Variants in PSMD2 observed in about 807,000 individuals in gnomAD.
PSMD2 encodes proteasome 26S subunit ubiquitin receptor, non-ATPase 2, also known as 26S proteasome non-ATPase regulatory subunit 2.
PSMD2 carries 8 observed loss-of-function variants against 101.5 expected under a neutral mutation model. The ratio of observed to expected loss-of-function variants is 0.08; its 90% CI spans 0.05 to 0.14. PSMD2 has a LOEUF of 0.14. Among genes scored for constraint, PSMD2 ranks in the 10% least tolerant of loss-of-function variants. PSMD2 has a pLI of 1.00. For missense variants in PSMD2, 784 were observed against 1,147.4 expected, an observed-to-expected ratio of 0.68 and a Z score of 4.58; for synonymous variants, 418 against 433.8, an observed-to-expected ratio of 0.96 and a Z score of 0.45.
chr3:184,299,613 G>T, intron 1 of PSMD2: 1 of 709,210 alleles, frequency 1.4e-6, no homozygotes, highest in Non-Finnish European at 2.2e-6. Context: ...CACCACCGCC[G>T]CGTGAAGTGG....
At chr3:184,305,027 A>T (rs992949917) in intron 12 of PSMD2, among the ~76,000 whole-genome samples, 1 of 152,244 alleles carries the variant, frequency 6.6e-6, no homozygotes, top group Admixed American at 6.5e-5. Flanking sequence ...GTCATTGGTC[A>T]GCCTTAAATG....
chr3:184,301,485 C>T (rs1299313410), intron 3 of PSMD2, 52 bp from the exon 4 acceptor site: 2 of 1,605,240 alleles, frequency 1.2e-6, no homozygotes, highest in African/African-American at 1.3e-5. Flanking sequence ...AATGCATGCT[C>T]CCTTTATGCT....
chr3:184,305,640 T>G, intron 12 of PSMD2, 128 bp from the exon 13 acceptor site: 1 of 852,290 alleles, frequency 1.2e-6, no homozygotes, highest in South Asian at 1.7e-5. Context: ...CTATTGTTAT[T>G]TTGATATTAT....
chr3:184,302,916 A>T, intron 7 of PSMD2, 86 bp from the exon 8 acceptor site: 1 of 1,610,370 alleles, frequency 6.2e-7, no homozygotes, highest in Non-Finnish European at 8.5e-7. Flanking sequence ...ACTCTCCTTG[A>T]TTAGAATTGC....
chr3:184,303,200 G>C, intron 8 of PSMD2, 120 bp from the exon 9 acceptor site: 1 of 1,493,730 alleles, frequency 6.7e-7, no homozygotes, highest in Non-Finnish European at 9.2e-7. Flanking sequence ...TGCTTGGGGG[G>C]GTATAGGTAG....
Position 184,300,395 on chromosome 3 carries a change from A to C in PSMD2, c.308A>C (p.Tyr103Ser), listed in dbSNP as rs1408932877. The C allele has an allele frequency of 1.2e-6, 2 of 1,613,972 alleles. No individual in the cohort carries two copies. Among genetic ancestry groups the C allele is most frequent in the Non-Finnish European group, 1.7e-6 (2 of 1,179,968 alleles). The change falls in exon 3 of 21, where the codon TAT (tyrosine) becomes TCT (serine). Residue 103 changes from tyrosine to serine, a missense_variant. Physicochemically the swap from Tyr to Ser is moderately radical, Grantham distance 144. This residue lies in a region of PSMD2 where 196 missense variants were observed against 182.4 expected (regional missense o/e 1.07). Coordinates refer to ENST00000310118, the MANE Select transcript of PSMD2 (RefSeq NM_002808.5). ...CCTCTCAAATTTCTGCGTCCACACTATGGCAAACTGAAGGAAATCTATGAG... is the reference window on the plus strand; with the variant it reads ...CCTCTCAAATTTCTGCGTCCACACTCTGGCAAACTGAAGGAAATCTATGAG... ...PKPLKFLRPH[Y>S]GKLKEIYENM...
chr3:184,308,458 G>A lies in PSMD2; in HGVS notation c.2435G>A (p.Gly812Asp). 1 of 1,607,326 alleles carries A rather than the reference G, an allele frequency of 6.2e-7. No homozygotes were observed. Among genetic ancestry groups the A allele is most frequent in the Non-Finnish European group, 8.5e-7 (1 of 1,177,840 alleles). Residue 812 changes from glycine (G) to aspartate (D), a missense_variant, in exon 20 of 21, where the codon GGC (glycine) becomes GAC (aspartate). Transcript: ENST00000310118. The surrounding 1 kb of genome is among the most constrained non-coding windows in gnomAD (Gnocchi z 6.0). Reference sequence around the variant, plus strand: ...TGTCTGCTTCCCTCAGTTATTCTAGGCAAATCACACTATGTATTGTATGGG... The same window carrying A: ...TGTCTGCTTCCCTCAGTTATTCTAGACAAATCACACTATGTATTGTATGGG... ...SFLDVRNIIL[G>D]KSHYVLYGLV...
chr3:184,299,932 C>G (rs777578866), intron 2 of PSMD2, 25 bp downstream of exon 2: 1 of 1,603,148 alleles, frequency 6.2e-7, no homozygotes, highest in Non-Finnish European at 8.5e-7. Flanking sequence ...TAACATGATT[C>G]GGTGCATGTT....
At chr3:184,302,291 T>A in intron 5 of PSMD2, 79 bp from the exon 6 acceptor site, 1 of 1,401,458 alleles carries the variant, frequency 7.1e-7, no homozygotes, top group Non-Finnish European at 9.6e-7. Context: ...ATATTTATTA[T>A]TTATTTTGGG....
Position 184,301,667 on chromosome 3 carries a change from T to A in PSMD2, c.479+9T>A. 1 of 1,613,954 alleles carries A rather than the reference T, an allele frequency of 6.2e-7. No individual in the cohort carries two copies. The highest frequency in any genetic ancestry group is 8.5e-7 in the Non-Finnish European group (1 of 1,179,840). On this transcript the variant is annotated intron_variant, in intron 4 of 20. Transcript: ENST00000310118. ...GGTCATGAGTATGTCAGGTAAGATC[T>A]TTCTTCTTGGGAATCCGAAGGGGGC...
At chr3:184,306,879 C>A in intron 16 of PSMD2, 45 bp downstream of exon 16, 2 of 1,497,318 alleles carry the variant, frequency 1.3e-6, no homozygotes, top group Non-Finnish European at 1.8e-6. Flanking sequence ...GTTTTGATGG[C>A]CTGGGGTTCC....
At chr3:184,300,673 G>C (rs1721612279) in intron 3 of PSMD2, 1 of 1,292,610 alleles carries the variant, frequency 7.7e-7, no homozygotes, top group African/African-American at 1.5e-5. Context: ...CATTAGCATG[G>C]TCTACTTTTA....
chr3:184,299,745 G>A, intron 1 of PSMD2, 106 bp from the exon 2 acceptor site: 1 of 908,430 alleles, frequency 1.1e-6, no homozygotes, highest in Non-Finnish European at 1.8e-6. Context: ...TGTCCACCTG[G>A]CCCCTCCTAA....
chr3:184,304,847 G>A lies in PSMD2; in HGVS notation c.1539+456G>A, dbSNP rs547146148. On this transcript the variant is annotated intron_variant, in intron 12 of 20. Coordinates refer to ENST00000310118, the MANE Select transcript of PSMD2 (RefSeq NM_002808.5). This position sits in a 1 kb window ranked among gnomAD's most constrained non-coding sequence, Gnocchi z 4.1. ...GGAGGTTGCAGTGAGCTGAGATCGC[G>A]CCACTGCACTCCAGTCTGGGTTACA... 4.6e-5 allele frequency among the ~76,000 whole-genome samples: 7 copies of A among 152,166 alleles called. No individual in the cohort carries two copies. The highest frequency in any genetic ancestry group is 3.9e-4 in the East Asian group (2 of 5,160).
Position 184,299,300 on chromosome 3 carries a change from C to G in PSMD2, c.34C>G (p.Gln12Glu). 1 of 1,382,376 alleles carries G rather than the reference C, an allele frequency of 7.2e-7. No homozygotes were observed. Among genetic ancestry groups the G allele is most frequent in the Non-Finnish European group, 9.3e-7 (1 of 1,071,084 alleles). 85.6% of individuals were successfully genotyped at this position (1,382,376 alleles called of 1,614,324 possible). A position where few individuals can be genotyped will look rare whatever the true frequency, so the allele number is the denominator to read the frequency against. The change falls in exon 1 of 21, where the codon CAG (glutamine) becomes GAG (glutamate). Residue 12 changes from glutamine to glutamate, a missense_variant. Gln to Glu is a conservative substitution (Grantham distance 29). This residue lies in a region of PSMD2 where 196 missense variants were observed against 182.4 expected (regional missense o/e 1.07). Coordinates refer to ENST00000310118, the MANE Select transcript of PSMD2 (RefSeq NM_002808.5). ...EEGGRDKAPV[Q>E]PQQSPAAAPG... ...GGGAGGCCGGGACAAGGCGCCGGTG[C>G]AGCCCCAGCAGTCTCCAGCGGCGGC...
chr3:184,306,906 T>G (rs1050197814), intron 16 of PSMD2, 72 bp downstream of exon 16: 1 of 1,222,626 alleles, frequency 8.2e-7, no homozygotes, highest in Non-Finnish European at 1.2e-6. Flanking sequence ...AAGATTTTTC[T>G]GATGGGTTTT....
intron 16 of PSMD2, 101 bp from the exon 17 acceptor site, chr3:184,307,256 C>T (rs1417733304): frequency 6.7e-6 from 9 of 1,345,220 alleles, no homozygotes; most frequent in Non-Finnish European, 8.2e-6. Context: ...TGTGCCTTTT[C>T]TACAGAAGTT....
chr3:184,304,613 C>T lies in PSMD2; in HGVS notation c.1539+222C>T, dbSNP rs929128422. ...AAGAGTTAACATTTTAGGCCTGGCACGGTGGCTCGTGCCTATAATCCCAGC... is the reference window on the plus strand; with the variant it reads ...AAGAGTTAACATTTTAGGCCTGGCATGGTGGCTCGTGCCTATAATCCCAGC... On this transcript the variant is annotated intron_variant, in intron 12 of 20. Coordinates refer to ENST00000310118, the MANE Select transcript of PSMD2 (RefSeq NM_002808.5). The surrounding 1 kb of genome is among the most constrained non-coding windows in gnomAD (Gnocchi z 4.1). Among the ~76,000 whole-genome samples the T allele has an allele frequency of 6.6e-6, 1 of 152,138 alleles. No homozygotes were observed. The highest frequency in any genetic ancestry group is 1.5e-5 in the Non-Finnish European group (1 of 68,030).
At chr3:184,306,262 C>G (rs887317800) in intron 14 of PSMD2, 88 bp from the exon 15 acceptor site, 19 of 1,593,450 alleles carry the variant, frequency 1.2e-5, no homozygotes, top group Middle Eastern at 1.7e-4. Flanking sequence ...CTGATCTGCT[C>G]TAGATTCTTT....
Sources: allele counts gnomAD v4.1 joint callset (sites outside exome capture counted in the v4.1 genomes callset), GRCh38; gene constraint gnomAD v4.1.1; regional missense constraint gnomAD v4.1.1; non-coding constraint Gnocchi (gnomAD v3.1); transcripts MANE v1.5; gene names NCBI Gene and HGNC (gene_info 2026-07-23, HGNC 2026-07-21).